FBXO11: variants seen among roughly 807,000 people sequenced by gnomAD.
FBXO11 encodes the protein F-box only protein 11.
In FBXO11, 13 loss-of-function variants were observed where a neutral mutation model predicts 117.0. That is an observed-to-expected ratio of 0.11 (90% confidence interval 0.07 to 0.18). The LOEUF (loss-of-function observed/expected upper bound fraction) is 0.18, where lower values mean the gene tolerates loss of function less well. Among genes scored for constraint, FBXO11 ranks in the 10% least tolerant of loss-of-function variants. The pLI, the probability that FBXO11 is intolerant of heterozygous loss-of-function variation, is 1.00. For synonymous variants in FBXO11, 490 were observed against 380.5 expected, an observed-to-expected ratio of 1.29 and a Z score of -3.35; for missense variants, 767 against 1,164.4, an observed-to-expected ratio of 0.66 and a Z score of 4.97.
rs1169776907 is a variant in FBXO11, at chr2:47,820,431, A to C, written c.1728T>G (p.Ile576Met). 1.2e-6 allele frequency: 2 copies of C among 1,613,778 alleles called. No homozygotes were observed. Among genetic ancestry groups the C allele is most frequent in the East Asian group, 2.2e-5 (1 of 44,868 alleles). Residue 576 changes from isoleucine to methionine, a missense_variant, in exon 14 of 23, where the codon ATT becomes ATG. By Grantham distance (10) the Ile-to-Met change is conservative. This residue lies in a region of FBXO11 where 67 missense variants were observed against 148.8 expected (regional missense o/e 0.45). Transcript: ENST00000403359. ...GAACAATTGGACAACTGTTTGTCCTAATTTGAATTCCTGCTAATGCATTGC... is the reference window on the plus strand; with the variant it reads ...GAACAATTGGACAACTGTTTGTCCTCATTTGAATTCCTGCTAATGCATTGC... Reference protein sequence around the residue: ...IYGNALAGIQIRTNSCPIVRH... With the variant: ...IYGNALAGIQMRTNSCPIVRH...
intron 16 of FBXO11, 198 bp from the exon 17 acceptor site, chr2:47,814,065 AGAT>A: frequency 2.0e-6 from 1 of 493,790 alleles, no homozygotes; most frequent in Non-Finnish European, 3.7e-6. Context: ...ACTTTACTAC[AGAT>A]TATTATTGTA....
chr2:47,897,701 C>CAAAAAAAAAAAA (rs60982405), intron 1 of FBXO11, among the ~76,000 whole-genome samples: 3 of 103,116 alleles, frequency 2.9e-5, no homozygotes, highest in South Asian at 3.0e-4. Flanking sequence ...TGTCTTAAAC[C>CAAAAAAAAAAAA]AAAAAAAAAA....
intron 14 of FBXO11, among the ~76,000 whole-genome samples, chr2:47,820,050 C>A (rs74843016): frequency 6.6e-6 from 1 of 152,198 alleles, no homozygotes; most frequent in Non-Finnish European, 1.5e-5. Context: ...ATATAATAGA[C>A]TGCAAATGAA....
intron 19 of FBXO11, 69 bp downstream of exon 19, chr2:47,810,247 G>T: frequency 9.8e-7 from 1 of 1,021,070 alleles, no homozygotes; most frequent in Non-Finnish European, 1.4e-6. Context: ...AAAACAAAAT[G>T]AATATACTCC....
chr2:47,816,947 G>C (rs1671045838), intron 16 of FBXO11, among the ~76,000 whole-genome samples: 1 of 152,160 alleles, frequency 6.6e-6, no homozygotes, highest in South Asian at 2.1e-4. Context: ...GCAACTTAAA[G>C]TCATCAGCTT....
chr2:47,853,077 T>A (rs1313897601), intron 1 of FBXO11, among the ~76,000 whole-genome samples: 2 of 148,688 alleles, frequency 1.3e-5, no homozygotes, highest in Non-Finnish European at 3.0e-5. Context: ...TTTGAAGAAT[T>A]TTTTTTTTTT....
chr2:47,905,778 AGCTTCGGG>A lies in FBXO11; in HGVS notation c.-66_-59del, dbSNP rs1678764427. 5.6e-6 allele frequency: 7 copies of A among 1,250,958 alleles called. No homozygotes were observed. Among genetic ancestry groups the A allele is most frequent in the Non-Finnish European group, 7.2e-6 (7 of 971,230 alleles). The allele number at this position is 1,250,958 out of a possible 1,614,324, so 77.5% of individuals were successfully genotyped here. On this transcript the variant is annotated 5_prime_UTR_variant, in exon 1 of 23. Coordinates refer to ENST00000403359, the MANE Select transcript of FBXO11 (RefSeq NM_001190274.2). Reference sequence around the variant, plus strand: ...GACACACACACGCACACGCACAGCGAGCTTCGGGGCAGGAGAAAGGGGTGGGGAGAGTG... The same window carrying A: ...GACACACACACGCACACGCACAGCGAGCAGGAGAAAGGGGTGGGGAGAGTG...
intron 1 of FBXO11, 79 bp downstream of exon 1, chr2:47,905,409 CG>C: frequency 1.2e-6 from 1 of 815,788 alleles, no homozygotes; most frequent in Non-Finnish European, 1.5e-6. Flanking sequence ...CGCCCCCGCC[CG>C]CCCGCCCGCC....
Position 47,863,440 on chromosome 2 carries a change from A to C in FBXO11, c.233-23671T>G, listed in dbSNP as rs904014558. Among the ~76,000 whole-genome samples, 13 of 152,362 alleles carry C rather than the reference A, an allele frequency of 8.5e-5. No homozygotes were observed. The East Asian group carries it at 2.3e-3, about 27-fold the overall frequency. ...AAACAACACAGCTAAAGAAAACTTA[A>C]GCGAAACCTATAATCAAATCATAAA... On this transcript the variant is annotated intron_variant, in intron 1 of 22. Transcript: ENST00000403359.
intron 1 of FBXO11, among the ~76,000 whole-genome samples, chr2:47,893,424 T>A (rs938629361): frequency 6.6e-6 from 1 of 152,028 alleles, no homozygotes; most frequent in African/African-American, 2.4e-5. Flanking sequence ...TCCCTAGAAA[T>A]ATGTATGTAT....
rs751404253 is a variant in FBXO11, at chr2:47,825,571, CTTTTT to C, written c.1399-2216_1399-2212del. ...GTCTGGTGGATTTTTTCTTCTTCTT[CTTTTT>C]TTTTTTTTTTTTTTTTTTTTAGAGA... On this transcript the variant is annotated intron_variant, in intron 11 of 22. Coordinates refer to ENST00000403359, the MANE Select transcript of FBXO11 (RefSeq NM_001190274.2). Among the ~76,000 whole-genome samples the C allele has an allele frequency of 6.8e-5, 6 of 88,302 alleles. No individual in the cohort carries two copies. In the South Asian group the frequency reaches 1.5e-3, roughly 22 times the overall value. The allele number at this position is 88,302 out of a possible 152,430, so 57.9% of individuals were successfully genotyped here.
rs1377813233 is a variant in FBXO11 at position 47,878,652 on chromosome 2, G to A, written c.232+26837C>T. On this transcript the variant is annotated intron_variant, in intron 1 of 22. Coordinates refer to ENST00000403359, the MANE Select transcript of FBXO11 (RefSeq NM_001190274.2). Reference sequence around the variant, plus strand: ...GCTGGGATTACAGGTGTGAGCCACTGCGTCCAGCATTTTTTTTTTTTTTTT... The same window carrying A: ...GCTGGGATTACAGGTGTGAGCCACTACGTCCAGCATTTTTTTTTTTTTTTT... 1.3e-5 allele frequency among the ~76,000 whole-genome samples: 2 copies of A among 150,464 alleles called. 1 individual carries two copies. Among genetic ancestry groups the A allele is most frequent in the Admixed American group, 1.3e-4 (2 of 15,156 alleles).
intron 1 of FBXO11, among the ~76,000 whole-genome samples, chr2:47,853,452 T>A (rs1428533022): frequency 6.6e-6 from 1 of 152,136 alleles, no homozygotes. Context: ...TTAAATCAGA[T>A]CCTTTATTTT....
intron 3 of FBXO11, 53 bp from the exon 4 acceptor site, chr2:47,839,056 T>C: frequency 6.5e-7 from 1 of 1,539,638 alleles, no homozygotes; most frequent in Non-Finnish European, 8.8e-7. Flanking sequence ...TTTCTCATTA[T>C]TTAAAGAACA....
chr2:47,840,451 C>CTT (rs34381400), intron 1 of FBXO11, among the ~76,000 whole-genome samples: 11 of 132,680 alleles, frequency 8.3e-5, no homozygotes, highest in South Asian at 2.5e-4. Context: ...GTATGAACAT[C>CTT]TTTTTTTTTT....
intron 16 of FBXO11, among the ~76,000 whole-genome samples, chr2:47,815,798 C>T (rs1375267355): frequency 6.6e-6 from 1 of 152,192 alleles, no homozygotes; most frequent in Non-Finnish European, 1.5e-5. Context: ...TCCCCGCATG[C>T]CCCAGCTCTT....
At chr2:47,837,364 T>G (rs1672663450) in intron 4 of FBXO11, among the ~76,000 whole-genome samples, 1 of 152,072 alleles carries the variant, frequency 6.6e-6, no homozygotes, top group Non-Finnish European at 1.5e-5. Context: ...CTGTCTCTAC[T>G]AAAAATACAA....
chr2:47,865,035 C>T lies in FBXO11; in HGVS notation c.233-25266G>A, dbSNP rs187692871. On this transcript the variant is annotated intron_variant, in intron 1 of 22. Transcript: ENST00000403359. ...TAAAATTTTCTTAAACTAAAAATTT[C>T]CTGAACTGTTTCCTGTTTCCACAGG... Among the ~76,000 whole-genome samples, 1,458 of 152,324 alleles carry T rather than the reference C, an allele frequency of 9.6e-3. 14 individuals are homozygous for T. Among genetic ancestry groups the T allele is most frequent in the Non-Finnish European group, 0.015 (1,007 of 68,028 alleles).
intron 1 of FBXO11, among the ~76,000 whole-genome samples, chr2:47,860,532 T>C (rs1213268205): frequency 6.6e-6 from 1 of 151,622 alleles, no homozygotes; most frequent in Non-Finnish European, 1.5e-5. Context: ...TGCCTTAGCA[T>C]CCCAAGTAGC....
Sources: allele counts gnomAD v4.1 joint callset (sites outside exome capture counted in the v4.1 genomes callset), GRCh38; gene constraint gnomAD v4.1.1; regional missense constraint gnomAD v4.1.1; transcripts MANE v1.5; gene names NCBI Gene and HGNC (gene_info 2026-07-23, HGNC 2026-07-21).